OPCML: variants seen among roughly 807,000 people sequenced by gnomAD.
The protein encoded by OPCML is opioid-binding protein/cell adhesion molecule.
In OPCML, 13 loss-of-function variants were observed where a neutral mutation model predicts 37.8. The ratio of observed to expected loss-of-function variants is 0.34; its 90% CI spans 0.22 to 0.55. The LOEUF (loss-of-function observed/expected upper bound fraction) is 0.55, where lower values mean the gene tolerates loss of function less well. Ranked by LOEUF, OPCML falls within the 20% of genes least tolerant of loss-of-function variation. OPCML has a pLI of 0.91. For synonymous variants in OPCML, 176 were observed against 168.8 expected, an observed-to-expected ratio of 1.04 and a Z score of -0.33; for missense variants, 341 against 435.6, an observed-to-expected ratio of 0.78 and a Z score of 1.93.
At chr11:132,869,934 T>C (rs1942729615) in intron 2 of OPCML, among the ~76,000 whole-genome samples, 1 of 152,230 alleles carries the variant, frequency 6.6e-6, no homozygotes, top group South Asian at 2.1e-4. Context: ...TAATGATCCA[T>C]GTTTGAGAAA....
intron 3 of OPCML, among the ~76,000 whole-genome samples, chr11:132,624,162 G>T (rs1939595987): frequency 6.6e-6 from 1 of 152,186 alleles, no homozygotes; most frequent in Non-Finnish European, 1.5e-5. Flanking sequence ...GATTAATAAA[G>T]CTATCCTCTC....
At chr11:133,112,935 C>T (rs1949279293) in intron 1 of OPCML, among the ~76,000 whole-genome samples, 1 of 152,218 alleles carries the variant, frequency 6.6e-6, no homozygotes, top group Admixed American at 6.5e-5. Context: ...TCAGATGACA[C>T]ATATCTTCCC....
chr11:133,255,661 C>T (rs1941288960), intron 1 of OPCML, among the ~76,000 whole-genome samples: 1 of 152,074 alleles, frequency 6.6e-6, no homozygotes, highest in Admixed American at 6.6e-5. Context: ...TTGCAAAGGC[C>T]TATTCTCAGA....
chr11:132,886,482 G>A (rs1213801945), intron 2 of OPCML, among the ~76,000 whole-genome samples: 1 of 152,238 alleles, frequency 6.6e-6, no homozygotes, highest in Non-Finnish European at 1.5e-5. Context: ...GCGACCGTGA[G>A]AAGGACCAGC....
At chr11:132,609,249 C>A (rs569777673) in intron 3 of OPCML, among the ~76,000 whole-genome samples, 1 of 152,154 alleles carries the variant, frequency 6.6e-6, no homozygotes, top group African/African-American at 2.4e-5. Flanking sequence ...AATGACATAA[C>A]AAAATAAGTT....
Position 133,141,045 on chromosome 11 carries a change from C to CGAAGAAGAAGAAGAA in OPCML, c.62-198036_62-198035insTTCTTCTTCTTCTTC, listed in dbSNP as rs1439158073. On this transcript the variant is annotated intron_variant, in intron 1 of 7. Transcript: ENST00000524381. ...ACGACGACGACGACGACGACGACGACGACGAAGAAGAAGAAGAAGAAGAAG... is the reference window on the plus strand; with the variant it reads ...ACGACGACGACGACGACGACGACGACGAAGAAGAAGAAGAAGACGAAGAAGAAGAAGAAGAAGAAG... Among the ~76,000 whole-genome samples, 4 of 3,362 alleles carry CGAAGAAGAAGAAGAA rather than the reference C, an allele frequency of 1.2e-3. 1 individual carries two copies. The highest frequency in any genetic ancestry group is 4.6e-3 in the Non-Finnish European group (3 of 658). 2.2% of individuals were successfully genotyped at this position (3,362 alleles called of 152,430 possible).
chr11:133,291,805 A>C (rs1942484083), intron 1 of OPCML, among the ~76,000 whole-genome samples: 1 of 152,174 alleles, frequency 6.6e-6, no homozygotes, highest in Admixed American at 6.5e-5. Context: ...GCTATTCTAA[A>C]ATCTTCACAA....
At chr11:132,639,996 T>G (rs985611243) in intron 3 of OPCML, among the ~76,000 whole-genome samples, 1 of 152,146 alleles carries the variant, frequency 6.6e-6, no homozygotes, top group Non-Finnish European at 1.5e-5. Context: ...GGCCCAGAAA[T>G]TGTTTTCCCC....
intron 3 of OPCML, among the ~76,000 whole-genome samples, chr11:132,614,163 G>A (rs756144527): frequency 5.3e-5 from 8 of 151,962 alleles, no homozygotes; most frequent in African/African-American, 9.7e-5. Flanking sequence ...TCCCGGTTCC[G>A]GTTCAATCCG....
rs2137113518 is a variant in OPCML, at chr11:133,120,220, A to G, written c.62-177210T>C. Among the ~76,000 whole-genome samples the G allele has an allele frequency of 2.0e-5, 3 of 152,320 alleles. No individual in the cohort carries two copies. The Middle Eastern group carries it at 0.01, about 518-fold the overall frequency. On this transcript the variant is annotated intron_variant, in intron 1 of 7. Transcript: ENST00000524381. ...TATTCTAACATATATATTTGTGTGTATACATACAAACACACATACACACAC... is the reference window on the plus strand; with the variant it reads ...TATTCTAACATATATATTTGTGTGTGTACATACAAACACACATACACACAC...
chr11:132,618,216 G>A (rs972725111), intron 3 of OPCML, among the ~76,000 whole-genome samples: 20 of 152,184 alleles, frequency 1.3e-4, no homozygotes, highest in East Asian at 1.9e-4. Flanking sequence ...GTAATTAAAG[G>A]CTGGTTTTTT....
Position 132,535,919 on chromosome 11 carries a change from ATTGTCAAGAACTCCCACG to A in OPCML, c.380-6751_380-6734del, listed in dbSNP as rs1054187617. On this transcript the variant is annotated intron_variant, in intron 3 of 7. Transcript: ENST00000524381. Reference sequence around the variant, plus strand: ...AAGGCTGCTTCCTCATTCTCTCCACATTGTCAAGAACTCCCACGTTGTCAAGAACTCTCTGGGAATTTT... The same window carrying A: ...AAGGCTGCTTCCTCATTCTCTCCACATTGTCAAGAACTCTCTGGGAATTTT... Among the ~76,000 whole-genome samples the A allele has an allele frequency of 5.3e-5, 8 of 151,954 alleles. No individual in the cohort carries two copies. In the East Asian group the frequency reaches 7.7e-4, roughly 15 times the overall value.
intron 1 of OPCML, among the ~76,000 whole-genome samples, chr11:133,166,529 T>C (rs1036393942): frequency 1.3e-5 from 2 of 152,214 alleles, no homozygotes; most frequent in African/African-American, 4.8e-5. Context: ...TGGCATATGT[T>C]ATGGGAACAC....
intron 4 of OPCML, among the ~76,000 whole-genome samples, chr11:132,519,381 A>T (rs2096287205): frequency 6.6e-6 from 1 of 152,070 alleles, no homozygotes; most frequent in Non-Finnish European, 1.5e-5. Flanking sequence ...TGCTGAAGGC[A>T]TCCCTCTGCT....
intron 1 of OPCML, among the ~76,000 whole-genome samples, chr11:133,215,677 C>T (rs1305081878): frequency 6.6e-6 from 1 of 152,118 alleles, no homozygotes; most frequent in Non-Finnish European, 1.5e-5. Flanking sequence ...TGCATCAGAA[C>T]GTCTACTTTG....
At chr11:133,144,505 A>G (rs1949870710) in intron 1 of OPCML, among the ~76,000 whole-genome samples, 2 of 152,228 alleles carry the variant, frequency 1.3e-5, no homozygotes, top group African/African-American at 4.8e-5. Flanking sequence ...AGTTGTGAGA[A>G]CCTATCAAGA....
intron 1 of OPCML, among the ~76,000 whole-genome samples, chr11:133,392,965 T>C (rs1358844551): frequency 6.6e-6 from 1 of 152,000 alleles, no homozygotes; most frequent in Non-Finnish European, 1.5e-5. Flanking sequence ...CCCAGTGAGG[T>C]TGAAGGTGGC....
intron 4 of OPCML, among the ~76,000 whole-genome samples, chr11:132,442,071 G>A (rs570072830): frequency 5.3e-5 from 8 of 152,340 alleles, no homozygotes; most frequent in Middle Eastern, 3.4e-3. Flanking sequence ...CAGGATGAGC[G>A]AGGTGTTGTG....
At chr11:133,458,141 A>G (rs1946715766) in intron 1 of OPCML, among the ~76,000 whole-genome samples, 1 of 148,998 alleles carries the variant, frequency 6.7e-6, no homozygotes, top group Non-Finnish European at 1.5e-5. Flanking sequence ...GCAAGACTCC[A>G]TCTTGAGAAA....
Sources: allele counts gnomAD v4.1 joint callset (sites outside exome capture counted in the v4.1 genomes callset), GRCh38; gene constraint gnomAD v4.1.1; transcripts MANE v1.5; gene names NCBI Gene and HGNC (gene_info 2026-07-23, HGNC 2026-07-21).